The following WNT16 variants were observed in gnomAD, a reference collection of about 807,000 sequenced individuals.
WNT16 encodes protein Wnt-16.
Under a neutral mutation model 35.4 loss-of-function variants are expected in WNT16, and 20 were observed. That is an observed-to-expected ratio of 0.56 (90% confidence interval 0.40 to 0.82). The LOEUF is 0.82. Ranked by LOEUF, WNT16 falls within the 40% of genes least tolerant of loss-of-function variation. WNT16 has a pLI of 0.00. For missense variants in WNT16, 461 were observed against 466.0 expected, an observed-to-expected ratio of 0.99 and a Z score of 0.10; for synonymous variants, 180 against 179.2, an observed-to-expected ratio of 1.00 and a Z score of -0.03.
chr7:121,330,002 G>A (rs1256514594), intron 2 of WNT16, among the ~76,000 whole-genome samples, 185 bp downstream of exon 2: 1 of 152,246 alleles, frequency 6.6e-6, no homozygotes, highest in African/African-American at 2.4e-5. Context: ...GAGCCTGGAG[G>A]GAGGTGACTC....
Position 121,331,765 on chromosome 7 carries a change from C to CA in WNT16, c.435dup (p.Glu146ArgfsTer5). ...AGGTCATGCAGTGCAGGCAACATGACAGAGTGTTCCTGTGACACCACCTTG... is the reference window on the plus strand; with the variant it reads ...AGGTCATGCAGTGCAGGCAACATGACAAGAGTGTTCCTGTGACACCACCTTG... On this transcript the variant is annotated frameshift_variant, in exon 3 of 4. Coordinates refer to ENST00000222462, the MANE Select transcript of WNT16 (RefSeq NM_057168.2). LOFTEE classifies it high-confidence loss of function. The CA allele has an allele frequency of 6.2e-7, 1 of 1,614,188 alleles. No individual in the cohort carries two copies. Among genetic ancestry groups the CA allele is most frequent in the Non-Finnish European group, 8.5e-7 (1 of 1,180,030 alleles).
upstream of WNT16, among the ~76,000 whole-genome samples, chr7:121,328,594 C>T (rs953906153): frequency 6.6e-6 from 1 of 152,128 alleles, no homozygotes; most frequent in Admixed American, 6.5e-5. Context: ...GATTATTCTC[C>T]TGTGAGGTGA....
chr7:121,334,813 T>C (rs1793414540), intron 3 of WNT16, among the ~76,000 whole-genome samples: 1 of 152,114 alleles, frequency 6.6e-6, no homozygotes, highest in Admixed American at 6.5e-5. Context: ...ATAATGTGAC[T>C]TGGAATATTT....
chr7:121,338,991 G>A lies in WNT16; in HGVS notation c.744G>A (p.Leu248=). Residue 248 remains leucine (L), a synonymous_variant, in exon 4 of 4, where the codon TTG becomes TTA. Transcript: ENST00000222462. ...TMSSFEKIGH[L]LKDKYENSIQ... is the part of the protein sequence containing the mutation. The stretch of plus-strand genomic sequence containing the variant: ...CTTCTTTTGAAAAGATTGGCCATTT[G>A]TTGAAGGATAAATATGAAAACAGTA... 6.2e-7 allele frequency: 1 copy of A among 1,614,102 alleles called. No homozygotes were observed.
At position 121,340,113 on chromosome 7, in the gene WNT16, A is replaced by T. The variant is rs1191445422; in HGVS notation, c.*768A>T. 1 of 152,220 alleles carries T rather than the reference A, an allele frequency of 6.6e-6. No individual in the cohort carries two copies. Among genetic ancestry groups the T allele is most frequent in the East Asian group, 1.9e-4 (1 of 5,204 alleles). 9.4% of individuals were successfully genotyped at this position (152,220 alleles called of 1,614,324 possible). A position where few individuals can be genotyped will look rare whatever the true frequency, so the allele number is the denominator to read the frequency against. The stretch of plus-strand genomic sequence containing the variant: ...ATCTTTAGATTCATACTTTTATCAC[A>T]GATCAGTTTCAACTGTTAAAAACCC... On this transcript the variant is annotated 3_prime_UTR_variant, in exon 4 of 4. Transcript: ENST00000222462.
chr7:121,327,846 C>A (rs898196025), upstream of WNT16, among the ~76,000 whole-genome samples: 1 of 152,200 alleles, frequency 6.6e-6, no homozygotes, highest in Non-Finnish European at 1.5e-5. Context: ...AGATAACTCT[C>A]GGAGACCTTC....
Position 121,335,986 on chromosome 7 carries a change from TTGTGTGTGTGTGTGTG to T in WNT16, c.634-2865_634-2850del, listed in dbSNP as rs36224614. 2.8e-4 allele frequency among the ~76,000 whole-genome samples: 39 copies of T among 140,296 alleles called. 1 individual carries two copies. Among genetic ancestry groups the T allele is most frequent in the East Asian group, 1.3e-3 (6 of 4,628 alleles). 92.0% of individuals were successfully genotyped at this position (140,296 alleles called of 152,430 possible). ...AATTCTAATTCTGTAGAATTAAACT[TTGTGTGTGTGTGTGTG>T]TGTGTGTGTGTGTGTGTGTGTGTGT... is the stretch of plus-strand genomic sequence containing the variant. On this transcript the variant is annotated intron_variant, in intron 3 of 3. Transcript: ENST00000222462.
intron 3 of WNT16, among the ~76,000 whole-genome samples, chr7:121,338,166 A>G (rs955693194): frequency 1.3e-5 from 2 of 152,188 alleles, no homozygotes; most frequent in Non-Finnish European, 2.9e-5. Context: ...AGAACTCTCA[A>G]TTGAATCAAT....
At position 121,331,633 on chromosome 7, in the gene WNT16, A is replaced by G. The variant is rs761450886; in HGVS notation, c.347-45A>G. On this transcript the variant is annotated intron_variant, in intron 2 of 3. Transcript: ENST00000222462. ...AGGAGGCTTTCTTCTGAACATAAAC[A>G]GAAGTTGCCTGGTTCTCTAATTTAG... 1.9e-6 allele frequency: 3 copies of G among 1,575,040 alleles called. No homozygotes were observed. The East Asian group carries it at 6.8e-5, about 36-fold the overall frequency.
intron 2 of WNT16, among the ~76,000 whole-genome samples, chr7:121,330,714 G>GAA (rs11371537): frequency 0.034 from 2,945 of 86,536 alleles, 60 homozygotes; most frequent in Middle Eastern, 0.07. Context: ...CCCGTAGAGA[G>GAA]AAAAAAAAAA....
At chr7:121,338,404 T>G (rs1226589135) in intron 3 of WNT16, among the ~76,000 whole-genome samples, 1 of 152,182 alleles carries the variant, frequency 6.6e-6, no homozygotes, top group Non-Finnish European at 1.5e-5. Context: ...ATGCAGCTTT[T>G]GGTTCTGTAG....
intron 2 of WNT16, among the ~76,000 whole-genome samples, chr7:121,330,332 G>T (rs1793319958): frequency 6.6e-6 from 1 of 152,232 alleles, no homozygotes; most frequent in African/African-American, 2.4e-5. Context: ...GACTGTCCGC[G>T]ACCACCCAAC....
upstream of WNT16, chr7:121,325,562 C>T (rs528500308): frequency 4.4e-6 from 6 of 1,355,284 alleles, no homozygotes; most frequent in Non-Finnish European, 5.1e-6. Context: ...ACGTAAGGAA[C>T]CATAGACACC....
chr7:121,325,444 C>A (rs555476535), upstream of WNT16: 85 of 1,613,714 alleles, frequency 5.3e-5, no homozygotes, highest in South Asian at 5.3e-4. Flanking sequence ...CTCAGGGAGA[C>A]CCTCTTCACA....
At chr7:121,327,404 G>T (rs1793262571), upstream of WNT16, among the ~76,000 whole-genome samples, 1 of 141,250 alleles carries the variant, frequency 7.1e-6, no homozygotes, top group South Asian at 2.3e-4. Flanking sequence ...AGGCTGGAGT[G>T]CAGTGGCGCT....
At chr7:121,337,834 T>C (rs1793465934) in intron 3 of WNT16, among the ~76,000 whole-genome samples, 2 of 152,244 alleles carry the variant, frequency 1.3e-5, no homozygotes, top group African/African-American at 4.8e-5. Context: ...CAAATATATG[T>C]AGTTTCATTT....
chr7:121,339,303 C>T lies in WNT16; in HGVS notation c.1056C>T (p.Cys352=). ...CKFIWCCYVR[C]RRCESMTDVH... ...TCATCTGGTGCTGCTATGTCCGTTG[C>T]AGGAGGTGTGAAAGCATGACTGATG... The change falls in exon 4 of 4, where the codon TGC becomes TGT. Residue 352 remains cysteine, a synonymous_variant. Transcript: ENST00000222462. 6.2e-7 allele frequency: 1 copy of T among 1,613,916 alleles called. No individual in the cohort carries two copies. Among genetic ancestry groups the T allele is most frequent in the South Asian group, 1.1e-5 (1 of 91,080 alleles).
chr7:121,339,286 TGC>T lies in WNT16; in HGVS notation c.1040_1041del (p.Cys347LeufsTer9). On this transcript the variant is annotated frameshift_variant, in exon 4 of 4. Coordinates refer to ENST00000222462, the MANE Select transcript of WNT16 (RefSeq NM_057168.2). LOFTEE classifies it high-confidence loss of function. ...GAGGTGTGAGTGTAAGTTCATCTGG[TGC>T]TGCTATGTCCGTTGCAGGAGGTGTG... ...VERCECKFIWCCYVRCRRCES... is the reference protein window; with the variant it reads ...VERCECKFIWXCYVRCRRCES... 6.2e-7 allele frequency: 1 copy of T among 1,614,114 alleles called. No homozygotes were observed. Among genetic ancestry groups the T allele is most frequent in the Non-Finnish European group, 8.5e-7 (1 of 1,180,022 alleles).
At chr7:121,328,627 G>T (rs1044775348), upstream of WNT16, among the ~76,000 whole-genome samples, 12 of 152,162 alleles carry the variant, frequency 7.9e-5, no homozygotes, top group African/African-American at 2.7e-4. Flanking sequence ...AAAGGTCAGT[G>T]ACATTTTCCA....
Sources: gnomAD v4.1 joint callset for allele counts (sites outside exome capture counted in the v4.1 genomes callset) on GRCh38, gnomAD v4.1.1 for gene constraint, MANE v1.5 for transcripts, NCBI Gene and HGNC (gene_info 2026-07-23, HGNC 2026-07-21) for gene names.